The following KIF26B variants were observed in gnomAD, a reference collection of about 807,000 sequenced individuals.
KIF26B encodes the protein kinesin-like protein KIF26B.
In KIF26B, 63 loss-of-function variants were observed where a neutral mutation model predicts 151.2. That is an observed-to-expected ratio of 0.42 (90% confidence interval 0.34 to 0.51). The LOEUF (loss-of-function observed/expected upper bound fraction) is 0.51. Ranked by LOEUF, KIF26B falls within the 20% of genes least tolerant of loss-of-function variation. The probability of loss-of-function intolerance (pLI) is 0.07; values close to 1 mark genes in which losing one functional copy is unlikely to be tolerated. For missense variants in KIF26B, 2,813 were observed against 2,913.6 expected, an observed-to-expected ratio of 0.97 and a Z score of 0.79; for synonymous variants, 1,357 against 1,262.1, an observed-to-expected ratio of 1.08 and a Z score of -1.59.
chr1:245,684,152 C>A (rs915266492), intron 10 of KIF26B, 81 bp from the exon 11 acceptor site: 2 of 1,456,236 alleles, frequency 1.4e-6, no homozygotes, highest in East Asian at 2.3e-5. Context: ...ACAAAATGGC[C>A]GTGTGCAGGC....
chr1:245,188,058 T>C (rs1248976392), intron 2 of KIF26B, among the ~76,000 whole-genome samples: 9 of 152,006 alleles, frequency 5.9e-5, no homozygotes, highest in Non-Finnish European at 1.5e-5. Flanking sequence ...GGTGGGCGAA[T>C]CACCTGAGGT....
chr1:245,216,582 G>A (rs1348239526), intron 2 of KIF26B, among the ~76,000 whole-genome samples: 3 of 152,160 alleles, frequency 2.0e-5, no homozygotes, highest in Non-Finnish European at 2.9e-5. Flanking sequence ...TAGATGGTAC[G>A]CAGGCAAGAA....
intron 2 of KIF26B, among the ~76,000 whole-genome samples, chr1:245,277,867 G>A (rs1430917084): frequency 1.3e-5 from 2 of 152,098 alleles, no homozygotes; most frequent in Admixed American, 1.3e-4. Flanking sequence ...CCACAAGGAG[G>A]TATGCTGCCC....
chr1:245,313,973 T>C (rs1671713172), intron 2 of KIF26B, among the ~76,000 whole-genome samples: 3 of 152,130 alleles, frequency 2.0e-5, no homozygotes, highest in Admixed American at 2.0e-4. Context: ...AAAAGAGCGT[T>C]TCTCTCTTCC....
chr1:245,554,151 A>G (rs1413043966), intron 5 of KIF26B, among the ~76,000 whole-genome samples: 3 of 151,844 alleles, frequency 2.0e-5, no homozygotes, highest in African/African-American at 7.3e-5. Flanking sequence ...TCCCTTGCCC[A>G]GATTTCTCTG....
rs1157626757 is a variant in KIF26B at position 245,563,724 on chromosome 1, C to A, written c.1350+22774C>A. Among the ~76,000 whole-genome samples the A allele has an allele frequency of 7.0e-6, 1 of 142,982 alleles. No individual in the cohort carries two copies. Among genetic ancestry groups the A allele is most frequent in the Non-Finnish European group, 1.5e-5 (1 of 65,958 alleles). 93.8% of individuals were successfully genotyped at this position (142,982 alleles called of 152,430 possible). ...TTATAATACTGTGTTTTTACTACAC[C>A]TTTTCTATGTTTAGGTATGTTGTTT... On this transcript the variant is annotated intron_variant, in intron 5 of 14. Coordinates refer to ENST00000407071, the MANE Select transcript of KIF26B (RefSeq NM_018012.4). This position sits in a 1 kb window ranked among gnomAD's most constrained non-coding sequence, Gnocchi z 4.6.
intron 2 of KIF26B, among the ~76,000 whole-genome samples, chr1:245,192,162 G>A (rs1249256058): frequency 6.6e-6 from 1 of 152,150 alleles, no homozygotes; most frequent in Non-Finnish European, 1.5e-5. Context: ...TTAGGGAAAT[G>A]GTTACAGAAA....
chr1:245,497,742 G>GTTAT (rs1331750756), intron 4 of KIF26B, among the ~76,000 whole-genome samples: 1 of 152,100 alleles, frequency 6.6e-6, no homozygotes, highest in Non-Finnish European at 1.5e-5. Context: ...CTGAAGGACT[G>GTTAT]TTATTTATTT....
chr1:245,652,662 C>T lies in KIF26B; in HGVS notation c.2258+6382C>T, dbSNP rs888601184. On this transcript the variant is annotated intron_variant, in intron 10 of 14. Transcript: ENST00000407071. ...GAAATGACACCGTCTGGGGATCGGCCGGGGTCACAAACACTGGGTTCAAGC... is the reference window on the plus strand; with the variant it reads ...GAAATGACACCGTCTGGGGATCGGCTGGGGTCACAAACACTGGGTTCAAGC... Among the ~76,000 whole-genome samples the T allele has an allele frequency of 5.3e-5, 8 of 152,236 alleles. No individual in the cohort carries two copies. In the East Asian group the frequency reaches 7.7e-4, roughly 15 times the overall value.
chr1:245,541,024 G>A (rs958834738), intron 5 of KIF26B, 74 bp downstream of exon 5: 1 of 1,244,954 alleles, frequency 8.0e-7, no homozygotes, highest in African/African-American at 1.5e-5. Context: ...GGAAGAAAAT[G>A]AGGCCTCCAA....
intron 9 of KIF26B, among the ~76,000 whole-genome samples, chr1:245,615,990 G>A (rs963781605): frequency 6.6e-6 from 1 of 152,198 alleles, no homozygotes. Context: ...TAGTCACCCT[G>A]CAGGGAAGCC....
At chr1:245,468,295 T>C (rs1202733683) in intron 4 of KIF26B, among the ~76,000 whole-genome samples, 3 of 152,164 alleles carry the variant, frequency 2.0e-5, no homozygotes, top group African/African-American at 4.8e-5. Context: ...ATTGCTGACA[T>C]GGAACCAGAC....
At chr1:245,314,500 G>A (rs960359728) in intron 2 of KIF26B, among the ~76,000 whole-genome samples, 2 of 152,070 alleles carry the variant, frequency 1.3e-5, no homozygotes, top group Admixed American at 6.6e-5. Flanking sequence ...TTCAGCATAG[G>A]GCTTAGCTAA....
intron 14 of KIF26B, among the ~76,000 whole-genome samples, chr1:245,701,496 C>T (rs1358410549): frequency 6.6e-6 from 1 of 152,096 alleles, no homozygotes; most frequent in Non-Finnish European, 1.5e-5. Context: ...CTGTGTCAGC[C>T]TCAGTGAGTC....
intron 3 of KIF26B, among the ~76,000 whole-genome samples, chr1:245,404,225 A>G (rs201531316): frequency 6.7e-5 from 8 of 120,260 alleles, no homozygotes; most frequent in South Asian, 2.8e-4. Context: ...TTTTTTTTTT[A>G]TAAAGCGTAG....
intron 5 of KIF26B, among the ~76,000 whole-genome samples, chr1:245,562,588 G>A (rs1771496): frequency 0.044 from 5,960 of 135,558 alleles, 396 homozygotes; most frequent in African/African-American, 0.15. Context: ...GCCAAGCCCC[G>A]CCCCCCCCTT....
At chr1:245,168,922 C>A (rs987002958) in intron 2 of KIF26B, among the ~76,000 whole-genome samples, 1 of 152,216 alleles carries the variant, frequency 6.6e-6, no homozygotes, top group African/African-American at 2.4e-5. Flanking sequence ...AAGGTTGCCT[C>A]TTTAAAATAT....
At chr1:245,213,661 G>A (rs961812651) in intron 2 of KIF26B, among the ~76,000 whole-genome samples, 1 of 152,202 alleles carries the variant, frequency 6.6e-6, no homozygotes, top group Admixed American at 6.5e-5. Flanking sequence ...CCCTGAGAGC[G>A]CTGGGAGCCT....
In KIF26B at chr1:245,705,894, A is replaced by G. The variant is rs1270468731; in HGVS notation, c.*3288A>G. 1 of 152,182 alleles carries G rather than the reference A, an allele frequency of 6.6e-6. No homozygotes were observed. 9.4% of individuals were successfully genotyped at this position (152,182 alleles called of 1,614,324 possible). A position where few individuals can be genotyped will look rare whatever the true frequency, so the allele number is the denominator to read the frequency against. ...ACATCACGAGGAAGCTGTCTCTTTC[A>G]TCTCTTCCGGATTTGGAATCAGAAC... On this transcript the variant is annotated 3_prime_UTR_variant, in exon 15 of 15. Transcript: ENST00000407071.
Sources: gnomAD v4.1 joint callset for allele counts (sites outside exome capture counted in the v4.1 genomes callset) on GRCh38, gnomAD v4.1.1 for gene constraint, Gnocchi (gnomAD v3.1) non-coding constraint, MANE v1.5 for transcripts, NCBI Gene and HGNC (gene_info 2026-07-23, HGNC 2026-07-21) for gene names.